TRAPPC10: variants seen among roughly 807,000 people sequenced by gnomAD.
TRAPPC10 encodes the protein TRAPP 130 kDa subunit.
A neutral mutation model predicts 125.5 loss-of-function variants in TRAPPC10; 23 were observed. That is an observed-to-expected ratio of 0.18 (90% CI 0.13 to 0.26). TRAPPC10 has a LOEUF of 0.26. Among genes scored for constraint, TRAPPC10 ranks in the 10% least tolerant of loss-of-function variants. TRAPPC10 has a pLI of 1.00. For synonymous variants in TRAPPC10, 509 were observed against 518.0 expected (o/e 0.98, Z 0.24); for missense variants, 1,123 against 1,308.4 (o/e 0.86, Z 2.19).
intron 1 of TRAPPC10, among the ~76,000 whole-genome samples, chr21:44,013,714 C>T (rs1601525985): frequency 6.6e-6 from 1 of 152,068 alleles, no homozygotes; most frequent in Non-Finnish European, 1.5e-5. Flanking sequence ...TGTCTCTTCT[C>T]CTCTCCTCCT....
intron 1 of TRAPPC10, among the ~76,000 whole-genome samples, chr21:44,017,012 G>A (rs917644164): frequency 6.6e-6 from 1 of 152,184 alleles, no homozygotes; most frequent in Non-Finnish European, 1.5e-5. Context: ...AAAATGTGGT[G>A]CTTGCGATTT....
intron 1 of TRAPPC10, among the ~76,000 whole-genome samples, chr21:44,024,438 G>A (rs1282366000): frequency 1.3e-5 from 2 of 152,226 alleles, no homozygotes; most frequent in Non-Finnish European, 1.5e-5. Context: ...AACATCACAC[G>A]ATTGCTCACT....
At chr21:44,048,139 G>A (rs2034984598) in intron 3 of TRAPPC10, among the ~76,000 whole-genome samples, 2 of 152,224 alleles carry the variant, frequency 1.3e-5, no homozygotes, top group African/African-American at 4.8e-5. Context: ...AGCAATGGGT[G>A]GTTCCCGCAT....
chr21:44,087,923 C>T lies in TRAPPC10; in HGVS notation c.2764C>T (p.His922Tyr). The change falls in exon 17 of 23, where the codon CAC (histidine) becomes TAC (tyrosine). Residue 922 changes from histidine to tyrosine, a missense_variant. Physicochemically the swap from His to Tyr is moderately conservative, Grantham distance 83. Transcript: ENST00000291574. The surrounding 1 kb of genome is among the most constrained non-coding windows in gnomAD (Gnocchi z 4.6). Reference sequence around the variant, plus strand: ...TGGCCGCTGCATGGTTACCACAGACCACAAAGTGAGTAGGGACAGTGGAGG... The same window carrying T: ...TGGCCGCTGCATGGTTACCACAGACTACAAAGTGAGTAGGGACAGTGGAGG... Reference protein sequence around the residue: ...RTGRCMVTTDHKVSIDCPWSI... With the variant: ...RTGRCMVTTDYKVSIDCPWSI... The T allele has an allele frequency of 6.2e-7, 1 of 1,612,906 alleles. No individual in the cohort carries two copies. Among genetic ancestry groups the T allele is most frequent in the Non-Finnish European group, 8.5e-7 (1 of 1,179,484 alleles).
At chr21:44,028,141 C>A (rs184488704) in intron 1 of TRAPPC10, among the ~76,000 whole-genome samples, 145 of 152,290 alleles carry the variant, frequency 9.5e-4, no homozygotes, top group Non-Finnish European at 1.8e-3. Flanking sequence ...TTAAATTACA[C>A]AAGTAATGCA....
chr21:44,075,174 G>C (rs765445852), intron 9 of TRAPPC10, 21 bp downstream of exon 9: 1 of 1,530,840 alleles, frequency 6.5e-7, no homozygotes, highest in Non-Finnish European at 9.0e-7. Flanking sequence ...GTATATACCT[G>C]TGTGAGTGGT....
At chr21:44,090,368 T>C (rs1457638213) in intron 18 of TRAPPC10, among the ~76,000 whole-genome samples, 1 of 152,216 alleles carries the variant, frequency 6.6e-6, no homozygotes, top group Admixed American at 6.5e-5. Flanking sequence ...GCTTTTAAGC[T>C]CAGCATTAGT....
At chr21:44,089,735 G>T (rs901898055) in intron 17 of TRAPPC10, 98 bp from the exon 18 acceptor site, 1 of 826,448 alleles carries the variant, frequency 1.2e-6, no homozygotes, top group Non-Finnish European at 2.1e-6. Flanking sequence ...AATGTCTAGG[G>T]CGTGGGCGGG....
At chr21:44,049,586 C>T (rs1647232194) in intron 3 of TRAPPC10, among the ~76,000 whole-genome samples, 1 of 152,216 alleles carries the variant, frequency 6.6e-6, no homozygotes, top group African/African-American at 2.4e-5. Flanking sequence ...ATACCACTTA[C>T]ACCCTTATAC....
chr21:44,039,651 G>A (rs965861416), intron 3 of TRAPPC10, among the ~76,000 whole-genome samples: 1 of 152,212 alleles, frequency 6.6e-6, no homozygotes, highest in Admixed American at 6.5e-5. Context: ...TGGGTCACAA[G>A]GTCAGGAGTT....
chr21:44,015,454 G>A (rs1436084915), intron 1 of TRAPPC10, among the ~76,000 whole-genome samples: 2 of 152,052 alleles, frequency 1.3e-5, no homozygotes, highest in African/African-American at 2.4e-5. Flanking sequence ...GTCTCGCTCT[G>A]TCACCTAGGC....
At chr21:44,051,691 T>G (rs2035242873) in intron 3 of TRAPPC10, among the ~76,000 whole-genome samples, 2 of 152,248 alleles carry the variant, frequency 1.3e-5, no homozygotes, top group Admixed American at 6.5e-5. Flanking sequence ...GCAGGTCGCC[T>G]TCTTTCTGAG....
At chr21:44,023,123 C>G (rs570188760) in intron 1 of TRAPPC10, among the ~76,000 whole-genome samples, 1 of 149,642 alleles carries the variant, frequency 6.7e-6, no homozygotes, top group South Asian at 2.1e-4. Flanking sequence ...AGTTCCACCT[C>G]CCGGGTTCAC....
At position 44,063,946 on chromosome 21, in the gene TRAPPC10, G is replaced by A. The variant is rs941898015; in HGVS notation, c.1038+161G>A. Among the ~76,000 whole-genome samples, 18 of 152,114 alleles carry A rather than the reference G, an allele frequency of 1.2e-4. No individual in the cohort carries two copies. The highest frequency in any genetic ancestry group is 2.5e-4 in the Non-Finnish European group (17 of 68,022). ...TATTGTTTGCTTAGTTACTTTTTAC[G>A]TTGATAAATTGCTCAAAAATAGAAC... On this transcript the variant is annotated intron_variant, in intron 7 of 22. Coordinates refer to ENST00000291574, the MANE Select transcript of TRAPPC10 (RefSeq NM_003274.5). The surrounding 1 kb of genome is among the most constrained non-coding windows in gnomAD (Gnocchi z 4.4).
At position 44,080,143 on chromosome 21, in the gene TRAPPC10, A is replaced by G. The variant is rs779412856; in HGVS notation, c.1723+16A>G. The stretch of plus-strand genomic sequence containing the variant: ...GACAGCCCAGGTAAGACCAGTTCTT[A>G]CAACTTGACTAGGAATATTTTCAAA... On this transcript the variant is annotated intron_variant, in intron 13 of 22. Coordinates refer to ENST00000291574, the MANE Select transcript of TRAPPC10 (RefSeq NM_003274.5). 3 of 1,593,868 alleles carry G rather than the reference A, an allele frequency of 1.9e-6. No homozygotes were observed. The highest frequency in any genetic ancestry group is 1.7e-6 in the Non-Finnish European group (2 of 1,161,730).
intron 1 of TRAPPC10, among the ~76,000 whole-genome samples, chr21:44,026,213 C>T (rs747884684): frequency 6.6e-6 from 1 of 151,926 alleles, no homozygotes; most frequent in Non-Finnish European, 1.5e-5. Flanking sequence ...ACTCCCTGCC[C>T]CCACCCCCGA....
chr21:44,022,501 A>G (rs1481942645), intron 1 of TRAPPC10, among the ~76,000 whole-genome samples: 1 of 123,678 alleles, frequency 8.1e-6, no homozygotes, highest in Non-Finnish European at 1.6e-5. Flanking sequence ...GTTAGTAGAG[A>G]TGGGGTTTCT....
chr21:44,053,375 A>G (rs2035357204), intron 4 of TRAPPC10, among the ~76,000 whole-genome samples: 1 of 152,176 alleles, frequency 6.6e-6, no homozygotes, highest in Non-Finnish European at 1.5e-5. Flanking sequence ...TTCACTCAAT[A>G]TATTGTAAAG....
chr21:44,069,822 G>A (rs578225622), intron 7 of TRAPPC10, among the ~76,000 whole-genome samples: 5 of 152,256 alleles, frequency 3.3e-5, no homozygotes, highest in Non-Finnish European at 5.9e-5. Flanking sequence ...AGTGATGAAC[G>A]TGAATGGGTC....
Sources: allele counts gnomAD v4.1 joint callset (sites outside exome capture counted in the v4.1 genomes callset), GRCh38; gene constraint gnomAD v4.1.1; non-coding constraint Gnocchi (gnomAD v3.1); transcripts MANE v1.5; gene names NCBI Gene and HGNC (gene_info 2026-07-23, HGNC 2026-07-21).